The following FXR1 variants were observed in gnomAD, a reference collection of about 807,000 sequenced individuals.
The protein encoded by FXR1 is FMR1 autosomal homolog 1.
FXR1 carries 15 observed loss-of-function variants against 84.0 expected under a neutral mutation model. That is an observed-to-expected ratio of 0.18 (90% CI 0.12 to 0.27). The LOEUF is 0.27. FXR1 is among the 10% of genes least tolerant of loss of function. The pLI is 1.00. For synonymous variants in FXR1, 245 were observed against 250.7 expected (o/e 0.98, Z 0.21); for missense variants, 480 against 774.4 (o/e 0.62, Z 4.51).
intron 15 of FXR1, among the ~76,000 whole-genome samples, chr3:180,970,842 G>C (rs1713473792): frequency 6.6e-6 from 1 of 152,080 alleles, no homozygotes; most frequent in South Asian, 2.1e-4. Context: ...TTAAGTCTGA[G>C]TTTTACTGTG....
rs1714405461 is a variant in FXR1 at position 180,978,177 on chromosome 3, G to T, written c.*1885G>T. The T allele has an allele frequency of 7.8e-6, 1 of 128,500 alleles. No individual in the cohort carries two copies. The allele number at this position is 128,500 out of a possible 1,614,324, so 8.0% of individuals were successfully genotyped here. ...TAATTAATGCCAAATTGGTAAATAT[G>T]GTGTAAAAAAAAAAAAAAAGACTTT... On this transcript the variant is annotated 3_prime_UTR_variant, in exon 17 of 17. Coordinates refer to ENST00000357559, the MANE Select transcript of FXR1 (RefSeq NM_005087.4).
In FXR1 at chr3:180,947,852, T is replaced by G; in HGVS notation, c.199-13T>G. 1.3e-6 allele frequency: 2 copies of G among 1,553,932 alleles called. No individual in the cohort carries two copies. Among genetic ancestry groups the G allele is most frequent in the South Asian group, 1.2e-5 (1 of 84,504 alleles). On this transcript the variant is annotated splice_polypyrimidine_tract_variant and intron_variant, in intron 3 of 16. Transcript: ENST00000357559. ...TGGGATGAATGGATATAGGCATTTT[T>G]TTTTCTTCTCAGGTATATTCAAGAG...
intron 3 of FXR1, among the ~76,000 whole-genome samples, chr3:180,935,511 C>T (rs986856457): frequency 1.1e-4 from 17 of 152,254 alleles, no homozygotes; most frequent in Admixed American, 1.3e-4. Flanking sequence ...TAGCATTGAA[C>T]GCTATGCACT....
chr3:180,958,670 A>G (rs1711654767), intron 10 of FXR1, among the ~76,000 whole-genome samples: 1 of 152,092 alleles, frequency 6.6e-6, no homozygotes, highest in Non-Finnish European at 1.5e-5. Context: ...TATCTTTGCC[A>G]TTGTGAACTG....
chr3:180,939,501 C>T (rs1201813072), intron 3 of FXR1, among the ~76,000 whole-genome samples: 1 of 152,004 alleles, frequency 6.6e-6, no homozygotes, highest in Non-Finnish European at 1.5e-5. Context: ...GAGGCAAGGT[C>T]GGGGTGAGGG....
rs1035004574 is a variant in FXR1 at position 180,982,563 on chromosome 3, A to G, written c.*6271A>G. On this transcript the variant is annotated 3_prime_UTR_variant, in exon 17 of 17. Coordinates refer to ENST00000357559, the MANE Select transcript of FXR1 (RefSeq NM_005087.4). ...GTATGTTGTTTGCACTGAACCCTCAAAAGTATTTATACCTATTAAGTTAAA... is the reference window on the plus strand; with the variant it reads ...GTATGTTGTTTGCACTGAACCCTCAGAAGTATTTATACCTATTAAGTTAAA... 7 of 152,280 alleles carry G rather than the reference A, an allele frequency of 4.6e-5. No individual in the cohort carries two copies. The highest frequency in any genetic ancestry group is 1.7e-4 in the African/African-American group (7 of 41,574). The allele number at this position is 152,280 out of a possible 1,614,324, so 9.4% of individuals were successfully genotyped here.
In FXR1 at chr3:180,981,612, C is replaced by G. The variant is rs930627080; in HGVS notation, c.*5320C>G. ...CTGATATTGAGGTCTAATGTGAAGG[C>G]TATAGATAGGAATTCCCCACAAACT... is the stretch of plus-strand genomic sequence containing the variant. On this transcript the variant is annotated 3_prime_UTR_variant, in exon 17 of 17. Transcript: ENST00000357559. 2.0e-5 allele frequency: 3 copies of G among 151,940 alleles called. No individual in the cohort carries two copies. The allele number at this position is 151,940 out of a possible 1,614,324, so 9.4% of individuals were successfully genotyped here.
chr3:180,949,235 T>G lies in FXR1; in HGVS notation c.522T>G (p.Ser174Arg), dbSNP rs774625004. 1 of 1,554,840 alleles carries G rather than the reference T, an allele frequency of 6.4e-7. No individual in the cohort carries two copies. The highest frequency in any genetic ancestry group is 8.9e-7 in the Non-Finnish European group (1 of 1,125,990). ...ETTQLMILSA[S>R]EATVKRVNIL... ...AGCTTGTTTGTTTATAGTCTGCCAG[T>G]GAAGCAACTGTGAAGAGAGTAAACA... The change falls in exon 7 of 17, where the codon AGT (serine) becomes AGG (arginine). Residue 174 changes from serine to arginine, a missense_variant. This residue lies in a region of FXR1 where 136 missense variants were observed against 315.4 expected (regional missense o/e 0.43). Coordinates refer to ENST00000357559, the MANE Select transcript of FXR1 (RefSeq NM_005087.4).
intron 7 of FXR1, among the ~76,000 whole-genome samples, chr3:180,950,667 C>T (rs997145327): frequency 1.3e-5 from 2 of 152,132 alleles, no homozygotes; most frequent in Non-Finnish European, 2.9e-5. Flanking sequence ...CCCTGACAAC[C>T]ATCATTCTAT....
At position 180,935,982 on chromosome 3, in the gene FXR1, C is replaced by T. The variant is rs1186119014; in HGVS notation, c.198+751C>T. ...TCTTGGCTCACTGCAACCTCTGCCT[C>T]CCAGGTTCAAGCGATTCACCTGCCT... On this transcript the variant is annotated intron_variant, in intron 3 of 16. Coordinates refer to ENST00000357559, the MANE Select transcript of FXR1 (RefSeq NM_005087.4). Among the ~76,000 whole-genome samples, 3 of 152,142 alleles carry T rather than the reference C, an allele frequency of 2.0e-5. No homozygotes were observed. The East Asian group carries it at 5.8e-4, about 29-fold the overall frequency.
intron 8 of FXR1, among the ~76,000 whole-genome samples, chr3:180,953,243 T>C (rs751142321): frequency 1.3e-5 from 2 of 152,200 alleles, no homozygotes; most frequent in Non-Finnish European, 2.9e-5. Flanking sequence ...TCTAGTTGTT[T>C]AAAATTGTAC....
intron 4 of FXR1, 87 bp downstream of exon 4, chr3:180,948,023 G>C (rs1001349201): frequency 1.3e-5 from 10 of 752,024 alleles, no homozygotes; most frequent in Non-Finnish European, 2.3e-5. Context: ...TCAACTGTTA[G>C]TTTTATTTCT....
Position 180,912,679 on chromosome 3 carries a change from T to G in FXR1, c.-7T>G, listed in dbSNP as rs767684536. The G allele has an allele frequency of 6.2e-7, 1 of 1,607,888 alleles. No individual in the cohort carries two copies. Among genetic ancestry groups the G allele is most frequent in the Non-Finnish European group, 8.5e-7 (1 of 1,176,910 alleles). On this transcript the variant is annotated 5_prime_UTR_variant, in exon 1 of 17. Transcript: ENST00000357559. ...AATCTCTTCCCAGCGGCCTTTGCGGTTCCAACATGGCGGAGCTGACGGTGG... is the reference window on the plus strand; with the variant it reads ...AATCTCTTCCCAGCGGCCTTTGCGGGTCCAACATGGCGGAGCTGACGGTGG...
chr3:180,928,934 T>A (rs2108437536), intron 1 of FXR1, among the ~76,000 whole-genome samples: 1 of 152,254 alleles, frequency 6.6e-6, no homozygotes, highest in East Asian at 1.9e-4. Context: ...TTTGTTTGTT[T>A]TTTTTTAGAC....
intron 15 of FXR1, among the ~76,000 whole-genome samples, chr3:180,974,325 TTC>T (rs1197611386): frequency 6.6e-6 from 1 of 152,196 alleles, no homozygotes; most frequent in Non-Finnish European, 1.5e-5. Flanking sequence ...GCCTGGCTAA[TTC>T]TGACGGGGTT....
At chr3:180,958,707 C>T (rs575998389) in intron 10 of FXR1, among the ~76,000 whole-genome samples, 1 of 151,922 alleles carries the variant, frequency 6.6e-6, no homozygotes, top group East Asian at 1.9e-4. Flanking sequence ...CTTGATTGTA[C>T]TCTCCTTAAC....
chr3:180,938,351 T>C (rs1209290873), intron 3 of FXR1, among the ~76,000 whole-genome samples: 1 of 152,208 alleles, frequency 6.6e-6, no homozygotes, highest in Non-Finnish European at 1.5e-5. Context: ...ATATTGTTCA[T>C]ATGTACAGTT....
rs1711536537 is a variant in FXR1 at position 180,957,829 on chromosome 3, T to A, written c.891T>A (p.Ile297=). The change falls in exon 10 of 17, where the codon ATT becomes ATA. Residue 297 remains isoleucine, a synonymous_variant. Transcript: ENST00000357559. ...QVPRNLVGKV[I]GKNGKVIQEI... ...TTTCTCTTACTAAAGGAAAAGTAAT[T>A]GGAAAAAATGGCAAAGTTATTCAAG... is the stretch of plus-strand genomic sequence containing the variant. 6.6e-7 allele frequency: 1 copy of A among 1,523,024 alleles called. No individual in the cohort carries two copies. Among genetic ancestry groups the A allele is most frequent in the Non-Finnish European group, 9.0e-7 (1 of 1,106,454 alleles). 94.3% of individuals were successfully genotyped at this position (1,523,024 alleles called of 1,614,324 possible).
At chr3:180,972,278 T>A (rs1713680871) in intron 15 of FXR1, among the ~76,000 whole-genome samples, 1 of 151,958 alleles carries the variant, frequency 6.6e-6, no homozygotes, top group Non-Finnish European at 1.5e-5. Flanking sequence ...GCTTGGGCAG[T>A]GGGATCCTGT....
Sources: gnomAD v4.1 joint callset for allele counts (sites outside exome capture counted in the v4.1 genomes callset) on GRCh38, gnomAD v4.1.1 for gene constraint, gnomAD v4.1.1 regional missense constraint, MANE v1.5 for transcripts, NCBI Gene and HGNC (gene_info 2026-07-23, HGNC 2026-07-21) for gene names.